Variants in GLDN observed in about 807,000 individuals in gnomAD.
The protein encoded by GLDN is collomin.
A neutral mutation model predicts 56.5 loss-of-function variants in GLDN; 47 were observed. The ratio of observed to expected loss-of-function variants is 0.83; its 90% CI spans 0.66 to 1.06. The LOEUF (loss-of-function observed/expected upper bound fraction) is 1.06, where lower values mean the gene tolerates loss of function less well. Among genes scored for constraint, GLDN ranks in the 50% least tolerant of loss-of-function variants. GLDN has a pLI of 0.00. For missense variants in GLDN, 782 were observed against 714.3 expected, an observed-to-expected ratio of 1.09 and a Z score of -1.08; for synonymous variants, 332 against 278.8, an observed-to-expected ratio of 1.19 and a Z score of -1.90.
chr15:51,403,045 G>A (rs1035863410), intron 9 of GLDN, among the ~76,000 whole-genome samples: 3 of 152,200 alleles, frequency 2.0e-5, no homozygotes, highest in Non-Finnish European at 4.4e-5. Flanking sequence ...GGCGTGGGGG[G>A]CAGTTCTGCG....
intron 4 of GLDN, among the ~76,000 whole-genome samples, chr15:51,386,176 G>A (rs1051988410): frequency 1.3e-5 from 2 of 152,140 alleles, no homozygotes; most frequent in African/African-American, 4.8e-5. Flanking sequence ...TAAGGCTTGC[G>A]GAGGTCAGCA....
intron 1 of GLDN, among the ~76,000 whole-genome samples, chr15:51,359,949 A>G (rs903815910): frequency 7.0e-6 from 1 of 143,868 alleles, no homozygotes; most frequent in African/African-American, 2.6e-5. Context: ...ACTGCACTCC[A>G]GCCTGGGCGA....
At chr15:51,356,007 A>G (rs1595805167) in intron 1 of GLDN, among the ~76,000 whole-genome samples, 1 of 148,988 alleles carries the variant, frequency 6.7e-6, no homozygotes. Context: ...GAAGATCGAG[A>G]CCATCCTGGC....
chr15:51,393,918 C>T (rs917605903), intron 4 of GLDN, among the ~76,000 whole-genome samples: 1 of 152,178 alleles, frequency 6.6e-6, no homozygotes, highest in African/African-American at 2.4e-5. Flanking sequence ...GTTCACCATC[C>T]CTATTAATGG....
At chr15:51,391,075 A>AT (rs1391482312) in intron 4 of GLDN, among the ~76,000 whole-genome samples, 1 of 152,218 alleles carries the variant, frequency 6.6e-6, no homozygotes, top group Non-Finnish European at 1.5e-5. Context: ...TGTCAGCACT[A>AT]TAGTGGACAA....
At chr15:51,358,346 G>A (rs1316778377) in intron 1 of GLDN, among the ~76,000 whole-genome samples, 1 of 152,044 alleles carries the variant, frequency 6.6e-6, no homozygotes, top group South Asian at 2.1e-4. Flanking sequence ...TATCTTGCTG[G>A]GACAGCTCCA....
At chr15:51,347,509 G>A (rs1029768887) in intron 1 of GLDN, among the ~76,000 whole-genome samples, 2 of 152,126 alleles carry the variant, frequency 1.3e-5, no homozygotes, top group African/African-American at 2.4e-5. Flanking sequence ...GTGGCCCAGG[G>A]AAGCCAAAAG....
At chr15:51,379,969 C>T (rs75209961) in intron 2 of GLDN, among the ~76,000 whole-genome samples, 6,567 of 152,210 alleles carry the variant, frequency 0.043, 156 homozygotes, top group East Asian at 0.095. Flanking sequence ...CTCACAGGCA[C>T]CAGGGATCCT....
intron 4 of GLDN, among the ~76,000 whole-genome samples, chr15:51,386,837 A>T (rs144490179): frequency 1.3e-5 from 2 of 152,068 alleles, no homozygotes. Context: ...GCTCGACTGG[A>T]TGGATGGGTA....
chr15:51,369,630 A>G (rs1006920826), intron 1 of GLDN, among the ~76,000 whole-genome samples: 15 of 152,250 alleles, frequency 9.9e-5, no homozygotes, highest in African/African-American at 3.4e-4. Context: ...GTAGCAGCTT[A>G]CCACATTTAG....
chr15:51,397,652 T>C, intron 6 of GLDN, 54 bp downstream of exon 6: 2 of 1,473,674 alleles, frequency 1.4e-6, no homozygotes. Context: ...TTCCAAACTC[T>C]TGGTCTGCTC....
rs185048435 is a variant in GLDN, at chr15:51,352,567, G to A, written c.363+10520G>A. Reference sequence around the variant, plus strand: ...GTGCTTTTATCAGCTGCTGCTTTGGGATAGTATTTGGCCTCTTAAAGCCTG... The same window carrying A: ...GTGCTTTTATCAGCTGCTGCTTTGGAATAGTATTTGGCCTCTTAAAGCCTG... On this transcript the variant is annotated intron_variant, in intron 1 of 9. Transcript: ENST00000335449. Among the ~76,000 whole-genome samples the A allele has an allele frequency of 1.9e-3, 294 of 152,238 alleles. 1 individual carries two copies. Among genetic ancestry groups the A allele is most frequent in the African/African-American group, 6.8e-3 (283 of 41,530 alleles).
chr15:51,392,598 C>T (rs551825945), intron 4 of GLDN, among the ~76,000 whole-genome samples: 23 of 151,454 alleles, frequency 1.5e-4, no homozygotes, highest in African/African-American at 2.7e-4. Flanking sequence ...CCCCACACCC[C>T]GGTCTATGGA....
At chr15:51,403,707 TCTTAA>T (rs772063676) in intron 9 of GLDN, among the ~76,000 whole-genome samples, 8 of 152,324 alleles carry the variant, frequency 5.3e-5, no homozygotes, top group African/African-American at 1.7e-4. Context: ...CTGACTTTCT[TCTTAA>T]CTTAGCAGGC....
chr15:51,341,793 G>A lies in GLDN; in HGVS notation c.109G>A (p.Ala37Thr). The A allele has an allele frequency of 6.6e-7, 1 of 1,510,474 alleles. No individual in the cohort carries two copies. The highest frequency in any genetic ancestry group is 1.2e-5 in the South Asian group (1 of 81,430). 93.6% of individuals were successfully genotyped at this position (1,510,474 alleles called of 1,614,324 possible). The change falls in exon 1 of 10, where the codon GCG becomes ACG. Residue 37 changes from alanine to threonine, a missense_variant. Ala to Thr is a moderately conservative substitution (Grantham distance 58, BLOSUM62 0). Transcript: ENST00000335449. The part of the protein sequence containing the change: ...SALNAAGTVF[A>T]LCQWRGLSSA... The stretch of plus-strand genomic sequence containing the variant: ...GCTCAACGCTGCGGGCACGGTGTTC[G>A]CGCTGTGCCAGTGGCGCGGGCTGAG...
At chr15:51,353,997 A>G (rs991484502) in intron 1 of GLDN, among the ~76,000 whole-genome samples, 1 of 152,190 alleles carries the variant, frequency 6.6e-6, no homozygotes, top group Non-Finnish European at 1.5e-5. Flanking sequence ...TAACAGCTCT[A>G]TACTTTAAAT....
chr15:51,384,174 G>T, intron 4 of GLDN: 1 of 416,468 alleles, frequency 2.4e-6, no homozygotes, highest in African/African-American at 2.1e-5. Flanking sequence ...GGAGCCCACA[G>T]CCCTGGGAGG....
chr15:51,355,744 T>C (rs28886346), intron 1 of GLDN, among the ~76,000 whole-genome samples: 67,870 of 147,538 alleles, frequency 0.46, 16,096 homozygotes, highest in African/African-American at 0.54. Flanking sequence ...GGGATGGTCT[T>C]GATCTCCTGA....
chr15:51,364,442 C>T (rs1171262850), intron 1 of GLDN, among the ~76,000 whole-genome samples: 3 of 152,152 alleles, frequency 2.0e-5, no homozygotes, highest in African/African-American at 4.8e-5. Context: ...TGTAATGGCA[C>T]AATCATAGCT....
Sources: allele counts gnomAD v4.1 joint callset (sites outside exome capture counted in the v4.1 genomes callset), GRCh38; gene constraint gnomAD v4.1.1; transcripts MANE v1.5; gene names NCBI Gene and HGNC (gene_info 2026-07-23, HGNC 2026-07-21).